The following TRIM71 variants were observed in gnomAD, a reference collection of about 807,000 sequenced individuals.
TRIM71 encodes the protein tripartite motif containing 71, also known as E3 ubiquitin-protein ligase TRIM71.
A neutral mutation model predicts 61.2 loss-of-function variants in TRIM71; 9 were observed. The ratio of observed to expected loss-of-function variants is 0.15; its 90% CI spans 0.09 to 0.26. TRIM71 has a LOEUF of 0.26. Ranked by LOEUF, TRIM71 falls within the 10% of genes least tolerant of loss-of-function variation. The probability of loss-of-function intolerance (pLI) is 1.00; values close to 1 mark genes in which losing one functional copy is unlikely to be tolerated. For missense variants in TRIM71, 998 were observed against 1,238.7 expected (o/e 0.81, Z 2.92); for synonymous variants, 645 against 553.2 (o/e 1.17, Z -2.33).
At chr3:32,889,797 G>A (rs1031982524) in intron 3 of TRIM71, among the ~76,000 whole-genome samples, 1 of 151,958 alleles carries the variant, frequency 6.6e-6, no homozygotes. Context: ...TGCCATGTTG[G>A]CCAGACTGGT....
At chr3:32,889,542 T>G (rs1696999667) in intron 3 of TRIM71, among the ~76,000 whole-genome samples, 2 of 149,864 alleles carry the variant, frequency 1.3e-5, no homozygotes, top group South Asian at 4.2e-4. Context: ...ATTTACTGAT[T>G]ATGTACGTTT....
intron 2 of TRIM71, among the ~76,000 whole-genome samples, chr3:32,878,515 T>G (rs1696873771): frequency 6.6e-6 from 1 of 152,126 alleles, no homozygotes; most frequent in African/African-American, 2.4e-5. Context: ...CTTGGGAGGC[T>G]GAAGCAGGAG....
intron 1 of TRIM71, among the ~76,000 whole-genome samples, chr3:32,852,328 C>T (rs1696547825): frequency 6.6e-6 from 1 of 152,136 alleles, no homozygotes; most frequent in Non-Finnish European, 1.5e-5. Context: ...ATAGGTTTCT[C>T]CAGCTTCTCC....
intron 1 of TRIM71, among the ~76,000 whole-genome samples, chr3:32,850,946 GGTTTAA>G (rs1485312646): frequency 2.6e-5 from 4 of 152,164 alleles, no homozygotes; most frequent in South Asian, 2.1e-4. Flanking sequence ...GTTGGGGAGG[GGTTTAA>G]ATAGAAAAGG....
intron 1 of TRIM71, among the ~76,000 whole-genome samples, chr3:32,847,052 TTTTG>T (rs975774910): frequency 2.6e-5 from 4 of 152,078 alleles, no homozygotes; most frequent in African/African-American, 9.7e-5. Flanking sequence ...TTTTGTTTTG[TTTTG>T]TTTGAGTTTC....
At chr3:32,864,996 C>A (rs759334178) in intron 1 of TRIM71, among the ~76,000 whole-genome samples, 2 of 151,970 alleles carry the variant, frequency 1.3e-5, no homozygotes, top group Non-Finnish European at 2.9e-5. Context: ...ACCTCTGCCC[C>A]TTATGGTTCA....
intron 1 of TRIM71, among the ~76,000 whole-genome samples, chr3:32,856,283 C>CT (rs1257154933): frequency 6.6e-6 from 1 of 152,172 alleles, no homozygotes; most frequent in Non-Finnish European, 1.5e-5. Flanking sequence ...TCCCAAAGTG[C>CT]TGGGATTACA....
chr3:32,859,631 C>T (rs1176683141), intron 1 of TRIM71, among the ~76,000 whole-genome samples: 2 of 152,174 alleles, frequency 1.3e-5, no homozygotes, highest in African/African-American at 2.4e-5. Flanking sequence ...GGTCTTTCTT[C>T]TGATTGTATC....
chr3:32,821,886 C>T (rs1023576630), intron 1 of TRIM71, among the ~76,000 whole-genome samples: 1 of 152,010 alleles, frequency 6.6e-6, no homozygotes, highest in African/African-American at 2.4e-5. Context: ...GGCGGCTGCT[C>T]TTCTCCCCGC....
At chr3:32,831,737 A>C (rs1167183643) in intron 1 of TRIM71, among the ~76,000 whole-genome samples, 1 of 151,992 alleles carries the variant, frequency 6.6e-6, no homozygotes, top group Admixed American at 6.6e-5. Context: ...GGGTTTTACC[A>C]TGTTGGCCAG....
chr3:32,831,146 GT>G (rs1454450079), intron 1 of TRIM71, among the ~76,000 whole-genome samples: 6 of 152,138 alleles, frequency 3.9e-5, no homozygotes, highest in Admixed American at 6.6e-5. Flanking sequence ...ATAGATGGGG[GT>G]GGGGGACCGT....
At chr3:32,865,820 T>C (rs1696729456) in intron 1 of TRIM71, among the ~76,000 whole-genome samples, 2 of 38,060 alleles carry the variant, frequency 5.3e-5, no homozygotes, top group Non-Finnish European at 1.3e-4. Flanking sequence ...CCCACCTTTT[T>C]TTTTTTTTTT....
chr3:32,818,850 G>A lies in TRIM71; in HGVS notation c.770G>A (p.Gly257Glu). ...GCAGCGGCGCAGCAGCTCGGGCTCG[G>A]GCCGCCCTTTCCCGGCCCGCCCTTC... ...AAAAAQQLGL[G>E]PPFPGPPFSI... Residue 257 changes from glycine (G) to glutamate (E), a missense_variant, in exon 1 of 4, where the codon GGG (glycine) becomes GAG (glutamate). Gly to Glu is a moderately conservative substitution (Grantham distance 98, BLOSUM62 -2). Around this residue, in one of 5 missense-constraint regions of TRIM71, gnomAD observed 527 missense variants for 427.8 expected, o/e 1.23. Transcript: ENST00000383763. The A allele has an allele frequency of 6.2e-7, 1 of 1,612,296 alleles. No homozygotes were observed. Among genetic ancestry groups the A allele is most frequent in the Non-Finnish European group, 8.5e-7 (1 of 1,179,726 alleles).
At position 32,842,995 on chromosome 3, in the gene TRIM71, T is replaced by C. The variant is rs1258860399; in HGVS notation, c.852+24063T>C. On this transcript the variant is annotated intron_variant, in intron 1 of 3. Coordinates refer to ENST00000383763, the MANE Select transcript of TRIM71 (RefSeq NM_001039111.3). ...TAAATGCTTTTTGATGGTGATTCCC[T>C]TGGTCTTCTGTAATTGGAGGGCGGG... 2.0e-5 allele frequency among the ~76,000 whole-genome samples: 3 copies of C among 151,174 alleles called. No individual in the cohort carries two copies. The East Asian group carries it at 5.9e-4, about 30-fold the overall frequency.
intron 1 of TRIM71, among the ~76,000 whole-genome samples, chr3:32,848,438 C>T (rs1338490993): frequency 6.6e-6 from 1 of 152,162 alleles, no homozygotes; most frequent in African/African-American, 2.4e-5. Flanking sequence ...ATAACCACCC[C>T]TCTTCCCTGG....
chr3:32,820,580 G>A (rs1696115996), intron 1 of TRIM71, among the ~76,000 whole-genome samples: 1 of 152,210 alleles, frequency 6.6e-6, no homozygotes, highest in Admixed American at 6.5e-5. Flanking sequence ...TGCAGGGTGA[G>A]CAGAATGGGG....
chr3:32,845,396 G>T (rs922064377), intron 1 of TRIM71, among the ~76,000 whole-genome samples: 1 of 152,182 alleles, frequency 6.6e-6, no homozygotes, highest in Non-Finnish European at 1.5e-5. Context: ...AGTATATTCA[G>T]GAGTCCCCAC....
chr3:32,881,169 T>C (rs1447863932), intron 2 of TRIM71, among the ~76,000 whole-genome samples: 1 of 151,930 alleles, frequency 6.6e-6, no homozygotes, highest in Non-Finnish European at 1.5e-5. Context: ...CAGGTACCCG[T>C]CACCACACCT....
Position 32,891,854 on chromosome 3 carries a change from C to CTG in TRIM71, c.*44_*45insGT, listed in dbSNP as rs1697029616. The CTG allele has an allele frequency of 2.5e-5, 21 of 851,282 alleles. No individual in the cohort carries two copies. Among genetic ancestry groups the CTG allele is most frequent in the Admixed American group, 1.3e-4 (5 of 38,682 alleles). The allele number at this position is 851,282 out of a possible 1,614,324, so 52.7% of individuals were successfully genotyped here. ...CTGTGTTTGGGGTGTGTGTGCGTGT[C>CTG]TCTCTCTCTCTCTCTCTCTTTCTCT... On this transcript the variant is annotated 3_prime_UTR_variant, in exon 4 of 4. Coordinates refer to ENST00000383763, the MANE Select transcript of TRIM71 (RefSeq NM_001039111.3). This position sits in a 1 kb window ranked among gnomAD's most constrained non-coding sequence, Gnocchi z 8.2.
Sources: gnomAD v4.1 joint callset for allele counts (sites outside exome capture counted in the v4.1 genomes callset) on GRCh38, gnomAD v4.1.1 for gene constraint, gnomAD v4.1.1 regional missense constraint, Gnocchi (gnomAD v3.1) non-coding constraint, MANE v1.5 for transcripts, NCBI Gene and HGNC (gene_info 2026-07-23, HGNC 2026-07-21) for gene names.